CSMD1: variants seen among roughly 807,000 people sequenced by gnomAD.
CSMD1 encodes the protein CUB and Sushi multiple domains 1.
Under a neutral mutation model 417.5 loss-of-function variants are expected in CSMD1, and 213 were observed. The ratio of observed to expected loss-of-function variants is 0.51; its 90% CI spans 0.46 to 0.57. The LOEUF is 0.57. Ranked by LOEUF, CSMD1 falls within the 20% of genes least tolerant of loss-of-function variation. The probability of loss-of-function intolerance (pLI) is 0.00; values close to 1 mark genes in which losing one functional copy is unlikely to be tolerated. For missense variants in CSMD1, 6,923 were observed against 4,529.7 expected (o/e 1.53, Z -15.17); for synonymous variants, 2,862 against 1,736.8 (o/e 1.65, Z -16.11).
intron 5 of CSMD1, among the ~76,000 whole-genome samples, chr8:3,762,584 C>A (rs1311282312): frequency 6.6e-6 from 1 of 152,208 alleles, no homozygotes; most frequent in Non-Finnish European, 1.5e-5. Flanking sequence ...AGCCATGTAG[C>A]CATAACATGG....
intron 1 of CSMD1, among the ~76,000 whole-genome samples, chr8:4,992,988 C>T (rs1290146229): frequency 6.6e-6 from 1 of 152,168 alleles, no homozygotes; most frequent in Non-Finnish European, 1.5e-5. Context: ...CCCGTGGAGG[C>T]AAGTGCAGGG....
At chr8:3,187,735 C>T in intron 36 of CSMD1, 134 bp downstream of exon 36, 1 of 653,598 alleles carries the variant, frequency 1.5e-6, no homozygotes. Context: ...ACTTTCAGCA[C>T]TAGAGCAACC....
intron 5 of CSMD1, among the ~76,000 whole-genome samples, chr8:3,966,963 C>T (rs980431713): frequency 3.3e-5 from 5 of 152,146 alleles, no homozygotes; most frequent in African/African-American, 9.7e-5. Flanking sequence ...ATTCTCCATT[C>T]TGTTTTCAGG....
At chr8:4,105,632 T>C (rs184135913) in intron 3 of CSMD1, among the ~76,000 whole-genome samples, 5 of 152,266 alleles carry the variant, frequency 3.3e-5, no homozygotes, top group African/African-American at 1.2e-4. Context: ...GCAAAGGGGA[T>C]TGGAGTAGCA....
chr8:4,832,145 G>C (rs961881689), intron 1 of CSMD1, among the ~76,000 whole-genome samples: 1 of 152,206 alleles, frequency 6.6e-6, no homozygotes, highest in South Asian at 2.1e-4. Flanking sequence ...TGTTTTCCTG[G>C]TATTTTAATT....
intron 8 of CSMD1, among the ~76,000 whole-genome samples, chr8:3,595,619 G>T (rs1584937492): frequency 6.6e-6 from 1 of 152,144 alleles, no homozygotes; most frequent in African/African-American, 2.4e-5. Flanking sequence ...ATAAGCAACA[G>T]TAAGCTTGGA....
At chr8:3,469,837 A>C (rs1191874118) in intron 11 of CSMD1, among the ~76,000 whole-genome samples, 2 of 152,242 alleles carry the variant, frequency 1.3e-5, no homozygotes, top group African/African-American at 4.8e-5. Context: ...AATTGAAAAG[A>C]GGAAACTATT....
Position 3,827,536 on chromosome 8 carries a change from A to G in CSMD1, c.819-73494T>C, listed in dbSNP as rs1209326086. On this transcript the variant is annotated intron_variant, in intron 5 of 69. Transcript: ENST00000635120. ...ATCTAGGTTTCCCCAAGGCACTGTC[A>G]TATTCCTGAAATGTTTTCTGCTAGA... Among the ~76,000 whole-genome samples, 7 of 152,358 alleles carry G rather than the reference A, an allele frequency of 4.6e-5. No homozygotes were observed. In the East Asian group the frequency reaches 1.3e-3, roughly 29 times the overall value.
At chr8:3,846,814 C>A (rs1803537431) in intron 5 of CSMD1, among the ~76,000 whole-genome samples, 10 of 152,062 alleles carry the variant, frequency 6.6e-5, no homozygotes, top group Admixed American at 6.6e-4. Flanking sequence ...GCTGGGATTA[C>A]AGGTGCCTGC....
chr8:4,109,474 A>G (rs2130905734), intron 3 of CSMD1, among the ~76,000 whole-genome samples: 1 of 152,294 alleles, frequency 6.6e-6, no homozygotes, highest in East Asian at 1.9e-4. Flanking sequence ...ATGTAACCCT[A>G]CTTTACAATC....
intron 23 of CSMD1, among the ~76,000 whole-genome samples, chr8:3,337,977 G>A (rs1235954003): frequency 3.3e-5 from 5 of 152,162 alleles, no homozygotes; most frequent in African/African-American, 1.2e-4. Context: ...CACCACGTCT[G>A]AACAGTAGAC....
chr8:3,165,070 T>C (rs972995893), intron 37 of CSMD1, among the ~76,000 whole-genome samples: 3 of 151,992 alleles, frequency 2.0e-5, no homozygotes, highest in Admixed American at 2.0e-4. Context: ...TTTTGACCGG[T>C]GTTTAACATG....
intron 3 of CSMD1, among the ~76,000 whole-genome samples, chr8:4,249,726 G>T (rs1036520027): frequency 6.6e-6 from 1 of 152,156 alleles, no homozygotes; most frequent in South Asian, 2.1e-4. Context: ...CTCAGCAGAA[G>T]TAGCTCAGTA....
At chr8:4,235,728 C>T (rs1272679411) in intron 3 of CSMD1, among the ~76,000 whole-genome samples, 2 of 152,188 alleles carry the variant, frequency 1.3e-5, no homozygotes, top group Non-Finnish European at 2.9e-5. Flanking sequence ...TAAGTTCTCA[C>T]ATGCAAGTGT....
intron 1 of CSMD1, among the ~76,000 whole-genome samples, chr8:4,662,867 G>T (rs564813856): frequency 4.8e-4 from 73 of 152,202 alleles, no homozygotes; most frequent in South Asian, 1.9e-3. Flanking sequence ...TGGAAACGCG[G>T]GTGACAGTGT....
intron 27 of CSMD1, among the ~76,000 whole-genome samples, chr8:3,225,794 C>A (rs1040937051): frequency 2.0e-5 from 3 of 152,178 alleles, no homozygotes; most frequent in African/African-American, 7.2e-5. Flanking sequence ...CCTGTTTGTT[C>A]TCTCTTTTGG....
intron 50 of CSMD1, among the ~76,000 whole-genome samples, chr8:3,033,525 C>T (rs960146062): frequency 5.3e-5 from 8 of 152,000 alleles, no homozygotes; most frequent in African/African-American, 1.9e-4. Context: ...CGCGTGTTCT[C>T]ATTTATAAGT....
chr8:4,020,825 G>C lies in CSMD1; in HGVS notation c.610+11080C>G, dbSNP rs371182143. On this transcript the variant is annotated intron_variant, in intron 4 of 69. Coordinates refer to ENST00000635120, the MANE Select transcript of CSMD1 (RefSeq NM_033225.6). ...AGAAAACTTTTTAGATTAATCAAGA[G>C]TTAGCTCACTCTTATCTTTTGCCTA... 1.6e-4 allele frequency among the ~76,000 whole-genome samples: 24 copies of C among 152,322 alleles called. No individual in the cohort carries two copies. The East Asian group carries it at 4.0e-3, about 26-fold the overall frequency.
At chr8:4,474,562 A>T (rs942126870) in intron 2 of CSMD1, among the ~76,000 whole-genome samples, 2 of 152,234 alleles carry the variant, frequency 1.3e-5, no homozygotes, top group Non-Finnish European at 2.9e-5. Context: ...TTTGAGAGTG[A>T]GAGCTCTAAA....
Sources: allele counts gnomAD v4.1 joint callset (sites outside exome capture counted in the v4.1 genomes callset), GRCh38; gene constraint gnomAD v4.1.1; transcripts MANE v1.5; gene names NCBI Gene and HGNC (gene_info 2026-07-23, HGNC 2026-07-21).